EPHB1: variants seen among roughly 807,000 people sequenced by gnomAD.
EPHB1 encodes EPH receptor B1.
Under a neutral mutation model 94.4 loss-of-function variants are expected in EPHB1, and 30 were observed. That is an observed-to-expected ratio of 0.32 (90% CI 0.24 to 0.43). The LOEUF (loss-of-function observed/expected upper bound fraction) is 0.43, where lower values mean the gene tolerates loss of function less well. Ranked by LOEUF, EPHB1 falls within the 20% of genes least tolerant of loss-of-function variation. The pLI, the probability that EPHB1 is intolerant of heterozygous loss-of-function variation, is 1.00. For missense variants in EPHB1, 1,055 were observed against 1,308.3 expected, an observed-to-expected ratio of 0.81 and a Z score of 2.99; for synonymous variants, 522 against 489.1, an observed-to-expected ratio of 1.07 and a Z score of -0.89.
chr3:134,795,628 G>C lies in EPHB1; in HGVS notation c.-4G>C, dbSNP rs781410193. The stretch of plus-strand genomic sequence containing the variant: ...GGTCTCGGCCTGCGGGCCGTCGGCC[G>C]GCGATGGCCCTGGATTATCTACTAC... On this transcript the variant is annotated 5_prime_UTR_variant, in exon 1 of 16. Coordinates refer to ENST00000398015, the MANE Select transcript of EPHB1 (RefSeq NM_004441.5). The C allele has an allele frequency of 6.2e-7, 1 of 1,603,608 alleles. No homozygotes were observed. Among genetic ancestry groups the C allele is most frequent in the Non-Finnish European group, 8.5e-7 (1 of 1,176,130 alleles).
At chr3:135,031,096 C>T (rs560978412) in intron 3 of EPHB1, among the ~76,000 whole-genome samples, 6 of 152,250 alleles carry the variant, frequency 3.9e-5, no homozygotes, top group South Asian at 2.1e-4. Context: ...GCACGGTGCG[C>T]GCACCCACTG....
At chr3:135,159,897 C>T (rs1291206815) in intron 6 of EPHB1, among the ~76,000 whole-genome samples, 2 of 152,206 alleles carry the variant, frequency 1.3e-5, no homozygotes, top group African/African-American at 2.4e-5. Context: ...TCCTCTAGGC[C>T]GTGCTTTTGC....
At chr3:135,079,241 G>A (rs1046474248) in intron 3 of EPHB1, among the ~76,000 whole-genome samples, 3 of 152,210 alleles carry the variant, frequency 2.0e-5, no homozygotes, top group African/African-American at 7.2e-5. Flanking sequence ...ATCATGGGGC[G>A]TTGAGTCTAC....
intron 3 of EPHB1, among the ~76,000 whole-genome samples, chr3:135,036,283 G>T (rs753507487): frequency 3.3e-5 from 5 of 152,208 alleles, no homozygotes; most frequent in Non-Finnish European, 7.3e-5. Context: ...TGCCAGAGAG[G>T]ACTGAGGCCA....
At chr3:135,142,300 G>T (rs1940855061) in intron 5 of EPHB1, among the ~76,000 whole-genome samples, 1 of 152,146 alleles carries the variant, frequency 6.6e-6, no homozygotes, top group South Asian at 2.1e-4. Flanking sequence ...TTTGAAGTTG[G>T]TGATCACACG....
intron 3 of EPHB1, among the ~76,000 whole-genome samples, chr3:134,975,103 A>AT (rs1934132458): frequency 6.6e-6 from 1 of 152,014 alleles, no homozygotes; most frequent in South Asian, 2.1e-4. Context: ...GCCGGCATTG[A>AT]TTTTTCTGGG....
intron 1 of EPHB1, among the ~76,000 whole-genome samples, chr3:134,806,288 G>C (rs1040419765): frequency 6.6e-6 from 1 of 152,164 alleles, no homozygotes; most frequent in Non-Finnish European, 1.5e-5. Flanking sequence ...TTTCCACCTA[G>C]CTCTCTCTGT....
chr3:135,163,928 G>A (rs867063911), intron 7 of EPHB1, among the ~76,000 whole-genome samples: 84 of 152,242 alleles, frequency 5.5e-4, no homozygotes, highest in African/African-American at 1.7e-3. Flanking sequence ...GGGTCATTGG[G>A]GCAGGGAGGA....
At chr3:135,038,529 G>A (rs1245530495) in intron 3 of EPHB1, among the ~76,000 whole-genome samples, 1 of 152,130 alleles carries the variant, frequency 6.6e-6, no homozygotes, top group Non-Finnish European at 1.5e-5. Context: ...GACCATTTTG[G>A]CTCCTTGAGG....
At chr3:134,814,114 C>G (rs185524943) in intron 1 of EPHB1, among the ~76,000 whole-genome samples, 6 of 152,122 alleles carry the variant, frequency 3.9e-5, no homozygotes, top group Admixed American at 1.3e-4. Context: ...GAGGCTGATG[C>G]GCATGCCACC....
At chr3:134,975,486 A>T (rs1449611693) in intron 3 of EPHB1, among the ~76,000 whole-genome samples, 1 of 152,102 alleles carries the variant, frequency 6.6e-6, no homozygotes, top group Non-Finnish European at 1.5e-5. Flanking sequence ...ACAGCTCCTG[A>T]CACTCTGCTA....
chr3:135,117,756 C>T (rs1445755525), intron 4 of EPHB1, among the ~76,000 whole-genome samples: 1 of 152,218 alleles, frequency 6.6e-6, no homozygotes, highest in African/African-American at 2.4e-5. Flanking sequence ...GCAGGAGATG[C>T]CCAAGGTGGC....
intron 1 of EPHB1, among the ~76,000 whole-genome samples, chr3:134,873,055 T>A (rs2037535638): frequency 6.6e-6 from 1 of 152,212 alleles, no homozygotes; most frequent in African/African-American, 2.4e-5. Flanking sequence ...ATACATCACC[T>A]GAAATTTTCT....
chr3:135,048,484 G>C (rs1054058717), intron 3 of EPHB1, among the ~76,000 whole-genome samples: 2 of 151,908 alleles, frequency 1.3e-5, no homozygotes, highest in African/African-American at 4.8e-5. Context: ...TGCCCAGGCT[G>C]GTCTTGAACT....
intron 12 of EPHB1, among the ~76,000 whole-genome samples, chr3:135,211,217 C>T (rs1405134743): frequency 1.3e-5 from 2 of 152,090 alleles, no homozygotes; most frequent in African/African-American, 4.8e-5. Context: ...TCCATTTAAC[C>T]ATCCACTCCC....
intron 5 of EPHB1, among the ~76,000 whole-genome samples, chr3:135,153,273 G>C (rs537996866): frequency 2.6e-5 from 4 of 152,268 alleles, no homozygotes; most frequent in African/African-American, 9.6e-5. Context: ...GGACTAAACG[G>C]AACAGCCCCT....
intron 1 of EPHB1, among the ~76,000 whole-genome samples, chr3:134,861,906 A>C (rs546287519): frequency 6.6e-6 from 1 of 152,108 alleles, no homozygotes; most frequent in Admixed American, 6.6e-5. Flanking sequence ...AAAAAAGAGA[A>C]TAGCTTATGT....
intron 1 of EPHB1, among the ~76,000 whole-genome samples, chr3:134,800,667 A>G (rs1412028553): frequency 2.0e-5 from 3 of 152,210 alleles, no homozygotes; most frequent in African/African-American, 7.2e-5. Flanking sequence ...AGAAGTCCTA[A>G]TAGGTCTTGC....
chr3:135,249,859 T>G (rs978387155), intron 15 of EPHB1, among the ~76,000 whole-genome samples: 3 of 152,234 alleles, frequency 2.0e-5, no homozygotes, highest in African/African-American at 7.2e-5. Flanking sequence ...TTGCACTGAT[T>G]CAGCAACAGT....
Sources: gnomAD v4.1 joint callset for allele counts (sites outside exome capture counted in the v4.1 genomes callset) on GRCh38, gnomAD v4.1.1 for gene constraint, MANE v1.5 for transcripts, NCBI Gene and HGNC (gene_info 2026-07-23, HGNC 2026-07-21) for gene names.